GUCY1B1: variants seen among roughly 807,000 people sequenced by gnomAD.
GUCY1B1 encodes guanylate cyclase 1 soluble subunit beta 1, also known as guanylate cyclase soluble subunit beta-1.
GUCY1B1 carries 43 observed loss-of-function variants against 71.0 expected under a neutral mutation model. The ratio of observed to expected loss-of-function variants is 0.61; its 90% CI spans 0.47 to 0.78. The LOEUF is 0.78. Ranked by LOEUF, GUCY1B1 falls within the 30% of genes least tolerant of loss-of-function variation. The probability of loss-of-function intolerance (pLI) is 0.00; values close to 1 mark genes in which losing one functional copy is unlikely to be tolerated. For missense variants in GUCY1B1, 535 were observed against 754.1 expected, an observed-to-expected ratio of 0.71 and a Z score of 3.40; for synonymous variants, 266 against 259.7, an observed-to-expected ratio of 1.02 and a Z score of -0.23.
At chr4:155,793,459 TA>T (rs1478617288) in intron 5 of GUCY1B1, among the ~76,000 whole-genome samples, 1 of 152,262 alleles carries the variant, frequency 6.6e-6, no homozygotes, top group East Asian at 1.9e-4. Flanking sequence ...TCTATCATTT[TA>T]TTTCCCATTG....
chr4:155,769,767 T>TA, intron 2 of GUCY1B1, among the ~76,000 whole-genome samples: 1 of 152,292 alleles, frequency 6.6e-6, no homozygotes, highest in East Asian at 1.9e-4. Flanking sequence ...AGAAAAATCT[T>TA]AAATTGTGGT....
rs997157825 is a variant in GUCY1B1 at position 155,805,205 on chromosome 4, A to G, written c.1812A>G (p.Leu604=). The change falls in exon 13 of 14, where the codon CTA becomes CTG. Residue 604 remains leucine, a synonymous_variant. Transcript: ENST00000264424. The stretch of plus-strand genomic sequence containing the variant: ...AAGAACCAATGCAAGTTTGGTTTCT[A>G]TCCAGAAAAAATACAGGAACAGAGG... ...GKKEPMQVWF[L]SRKNTGTEET... 2 of 1,610,796 alleles carry G rather than the reference A, an allele frequency of 1.2e-6. No homozygotes were observed. Among genetic ancestry groups the G allele is most frequent in the East Asian group, 2.2e-5 (1 of 44,794 alleles).
intron 4 of GUCY1B1, among the ~76,000 whole-genome samples, chr4:155,784,124 G>A (rs11939108): frequency 0.016 from 2,382 of 152,100 alleles, 64 homozygotes; most frequent in African/African-American, 0.053. Flanking sequence ...ATATTTCCTT[G>A]GAGAGGATGG....
intron 2 of GUCY1B1, among the ~76,000 whole-genome samples, chr4:155,768,456 G>C (rs201096626): frequency 7.8e-6 from 1 of 128,614 alleles, no homozygotes; most frequent in Admixed American, 7.9e-5. Context: ...TTACTTGTTT[G>C]TTTTTTTTTT....
At chr4:155,798,966 T>C (rs981823295) in intron 8 of GUCY1B1, among the ~76,000 whole-genome samples, 4 of 152,050 alleles carry the variant, frequency 2.6e-5, no homozygotes, top group African/African-American at 7.2e-5. Flanking sequence ...GCCTCCCGAG[T>C]AGCTGGGACT....
intron 5 of GUCY1B1, among the ~76,000 whole-genome samples, chr4:155,791,879 G>A (rs7661128): frequency 0.66 from 99,990 of 151,926 alleles, 34,211 homozygotes; most frequent in African/African-American, 0.84. Flanking sequence ...AGGTAGGTTC[G>A]TAGAAACTTC....
At chr4:155,759,510 C>G (rs1163008824) in intron 1 of GUCY1B1, 1 of 515,996 alleles carries the variant, frequency 1.9e-6, no homozygotes, top group Non-Finnish European at 3.4e-6. Flanking sequence ...CGCGCTGCCC[C>G]CGATGCCCAG....
chr4:155,769,964 A>C (rs1051094289), intron 2 of GUCY1B1, among the ~76,000 whole-genome samples: 4 of 152,186 alleles, frequency 2.6e-5, no homozygotes, highest in African/African-American at 9.7e-5. Flanking sequence ...GAATGAGTCT[A>C]TAAAATTTGG....
intron 4 of GUCY1B1, among the ~76,000 whole-genome samples, chr4:155,783,581 G>GC (rs1738577466): frequency 6.6e-6 from 1 of 152,104 alleles, no homozygotes; most frequent in South Asian, 2.1e-4. Flanking sequence ...ATCAACTAGC[G>GC]CCTCTGTTCA....
rs186526994 is a variant in GUCY1B1, at chr4:155,806,302, C to T, written c.1837-84C>T. The T allele has an allele frequency of 2.3e-4, 202 of 860,188 alleles. 2 individuals are homozygous for T. The East Asian group carries it at 4.0e-3, about 17-fold the overall frequency. The allele number at this position is 860,188 out of a possible 1,614,324, so 53.3% of individuals were successfully genotyped here. On this transcript the variant is annotated intron_variant, in intron 13 of 13. Transcript: ENST00000264424. ...TAGATGTGAACGTGGATCACACTCT[C>T]ATAAAGAGAAAAATATATTTAATTG...
chr4:155,792,132 C>A (rs1292076291), intron 5 of GUCY1B1, among the ~76,000 whole-genome samples: 1 of 152,000 alleles, frequency 6.6e-6, no homozygotes, highest in Non-Finnish European at 1.5e-5. Flanking sequence ...TTCAAAAGCA[C>A]TGTTTTGACT....
intron 2 of GUCY1B1, among the ~76,000 whole-genome samples, chr4:155,768,797 C>T (rs1443097304): frequency 2.6e-5 from 4 of 152,146 alleles, no homozygotes; most frequent in Non-Finnish European, 4.4e-5. Flanking sequence ...AACTTCTAAA[C>T]AGTTACTGTG....
intron 2 of GUCY1B1, among the ~76,000 whole-genome samples, chr4:155,762,957 G>GT (rs1013735584): frequency 3.3e-5 from 5 of 151,876 alleles, no homozygotes; most frequent in African/African-American, 1.2e-4. Flanking sequence ...CCATTTCAAA[G>GT]TTTTTTTTGT....
intron 3 of GUCY1B1, among the ~76,000 whole-genome samples, chr4:155,777,206 C>G (rs529644184): frequency 7.2e-5 from 11 of 152,236 alleles, no homozygotes; most frequent in African/African-American, 2.4e-4. Flanking sequence ...CGTTGGTGAC[C>G]AAAAAGTTTC....
At chr4:155,780,607 A>G (rs1482848862) in intron 4 of GUCY1B1, among the ~76,000 whole-genome samples, 2 of 152,218 alleles carry the variant, frequency 1.3e-5, no homozygotes, top group Admixed American at 6.5e-5. Context: ...CTGAGAATAA[A>G]TGAATATCTT....
intron 4 of GUCY1B1, among the ~76,000 whole-genome samples, chr4:155,788,560 T>A (rs1363447506): frequency 6.6e-5 from 10 of 152,228 alleles, no homozygotes; most frequent in African/African-American, 2.2e-4. Context: ...TCATCACATC[T>A]GCAAAATCCC....
chr4:155,793,842 C>A lies in GUCY1B1; in HGVS notation c.496-14C>A. 1 of 1,116,282 alleles carries A rather than the reference C, an allele frequency of 9.0e-7. No individual in the cohort carries two copies. Among genetic ancestry groups the A allele is most frequent in the South Asian group, 1.3e-5 (1 of 78,472 alleles). The allele number at this position is 1,116,282 out of a possible 1,614,324, so 69.1% of individuals were successfully genotyped here. A position where few individuals can be genotyped will look rare whatever the true frequency, so the allele number is the denominator to read the frequency against. On this transcript the variant is annotated splice_polypyrimidine_tract_variant and intron_variant, in intron 5 of 13. Transcript: ENST00000264424. ...ATGAAGACAATTCATGCCATTTCCC[C>A]CTTTGATATCCAGGTTATTCAGCAA...
chr4:155,796,354 T>C (rs1177347768), intron 7 of GUCY1B1, 23 bp from the exon 8 acceptor site: 1 of 1,606,636 alleles, frequency 6.2e-7, no homozygotes, highest in South Asian at 1.1e-5. Flanking sequence ...CATTCATTAA[T>C]GGTTGTATCT....
intron 11 of GUCY1B1, among the ~76,000 whole-genome samples, 190 bp from the exon 12 acceptor site, chr4:155,804,403 C>T (rs6536094): frequency 0.34 from 51,948 of 151,650 alleles, 9,717 homozygotes; most frequent in African/African-American, 0.5. Flanking sequence ...AGGACAAATA[C>T]CTAATACGTG....
Sources: gnomAD v4.1 joint callset for allele counts (sites outside exome capture counted in the v4.1 genomes callset) on GRCh38, gnomAD v4.1.1 for gene constraint, MANE v1.5 for transcripts, NCBI Gene and HGNC (gene_info 2026-07-23, HGNC 2026-07-21) for gene names.